ATRX: variants seen among roughly 807,000 people sequenced by gnomAD.
The protein encoded by ATRX is ATRX chromatin remodeler.
A neutral mutation model predicts 172.6 loss-of-function variants in ATRX; 12 were observed. The observed-to-expected ratio is 0.07, with a 90% confidence interval of 0.04 to 0.11. The LOEUF is 0.11. ATRX is among the 10% of genes least tolerant of loss of function. The pLI is 1.00. For missense variants in ATRX, 1,368 were observed against 1,767.4 expected (o/e 0.77, Z 4.05); for synonymous variants, 674 against 594.7 (o/e 1.13, Z -1.94).
At chrX:77,671,308 G>A (rs2070602673) in intron 10 of ATRX, among the ~76,000 whole-genome samples, 1 of 102,352 alleles carries the variant, frequency 9.8e-6, no homozygotes, top group Non-Finnish European at 2.0e-5. Context: ...TTTTTTAGTC[G>A]CAAATCCTAC....
At chrX:77,601,231 C>T (rs782734203) in intron 22 of ATRX, among the ~76,000 whole-genome samples, 1 of 110,192 alleles carries the variant, frequency 9.1e-6, no homozygotes, top group African/African-American at 3.3e-5. Context: ...TTTGGGAGGC[C>T]GAGGCAGGAG....
At chrX:77,717,280 C>T in intron 1 of ATRX, 37 bp from the exon 2 acceptor site, 2 of 1,052,307 alleles carry the variant, frequency 1.9e-6, no homozygotes, top group Non-Finnish European at 2.7e-6. Context: ...CCTTAATTAG[C>T]CTTTCATGTT....
chrX:77,585,583 CAAAAAA>C (rs781792876), intron 27 of ATRX, among the ~76,000 whole-genome samples: 23 of 8,529 alleles, frequency 2.7e-3, no homozygotes, highest in Non-Finnish European at 2.6e-3. Context: ...CTCCCCCCAC[CAAAAAA>C]AAAAAAAAAA....
chrX:77,695,174 G>A (rs1359905137), intron 5 of ATRX, among the ~76,000 whole-genome samples: 1 of 109,911 alleles, frequency 9.1e-6, no homozygotes, highest in Non-Finnish European at 1.9e-5. Context: ...GACCTGGGTT[G>A]AAATCTTAGC....
chrX:77,744,902 A>G (rs2075004100), intron 1 of ATRX, among the ~76,000 whole-genome samples: 1 of 109,949 alleles, frequency 9.1e-6, no homozygotes. Context: ...AGGCTAAGGC[A>G]GGAGAATGGC....
chrX:77,562,958 G>T (rs2065069738), intron 28 of ATRX, among the ~76,000 whole-genome samples: 1 of 112,238 alleles, frequency 8.9e-6, no homozygotes, highest in Non-Finnish European at 1.9e-5. Context: ...TTACTAACTG[G>T]GTTGTTTTCT....
At chrX:77,734,459 C>A (rs186048546) in intron 1 of ATRX, among the ~76,000 whole-genome samples, 1 of 110,576 alleles carries the variant, frequency 9.0e-6, no homozygotes, top group Non-Finnish European at 1.9e-5. Context: ...TAAACGGTGC[C>A]GGGAAAACTG....
intron 1 of ATRX, among the ~76,000 whole-genome samples, chrX:77,745,244 C>T (rs2075023097): frequency 9.2e-6 from 1 of 108,222 alleles, no homozygotes; most frequent in African/African-American, 3.4e-5. Context: ...AAATATGTAC[C>T]CCAAAGAAAG....
Position 77,682,395 on chromosome X carries a change from C to A in ATRX, c.2861G>T (p.Cys954Phe), listed in dbSNP as rs1055207389. ...AGATAAGCCATCCTGTACTTTTTTACATGTTTTGGTTTTGAGATGCTTGCT... is the reference window on the plus strand; with the variant it reads ...AGATAAGCCATCCTGTACTTTTTTAAATGTTTTGGTTTTGAGATGCTTGCT... ...EKSKHLKTKT[C>F]KKVQDGLSDI... Residue 954 changes from cysteine (C) to phenylalanine (F), a missense_variant, in exon 9 of 35, where the codon TGT becomes TTT. Transcript: ENST00000373344. The A allele has an allele frequency of 2.5e-6, 3 of 1,209,416 alleles. No individual in the cohort carries two copies. The African/African-American group carries it at 5.3e-5, about 21-fold the overall frequency.
At position 77,775,767 on chromosome X, in the gene ATRX, T is replaced by C. The variant is rs554176991; in HGVS notation, c.20+10215A>G. Among the ~76,000 whole-genome samples the C allele has an allele frequency of 1.4e-4, 15 of 110,833 alleles. No individual in the cohort carries two copies. The South Asian group carries it at 5.3e-3, about 39-fold the overall frequency. ...TATTTATTTTTGAAACGGAATCTCA[T>C]TCTGTCGCCCAGGCCGGAGTGCGGT... is the stretch of plus-strand genomic sequence containing the variant. On this transcript the variant is annotated intron_variant, in intron 1 of 34. Coordinates refer to ENST00000373344, the MANE Select transcript of ATRX (RefSeq NM_000489.6).
chrX:77,549,420 T>A (rs782758075), intron 30 of ATRX, among the ~76,000 whole-genome samples: 7 of 111,673 alleles, frequency 6.3e-5, no homozygotes, highest in Non-Finnish European at 1.1e-4. Flanking sequence ...AAAATTTTCA[T>A]CTCTGATATC....
At chrX:77,651,781 C>T (rs1313907968) in intron 15 of ATRX, among the ~76,000 whole-genome samples, 1 of 111,615 alleles carries the variant, frequency 9.0e-6, no homozygotes, top group South Asian at 3.7e-4. Flanking sequence ...ATCACATGAA[C>T]CCAGGAGGCA....
chrX:77,618,870 A>G lies in ATRX; in HGVS notation c.5384T>C (p.Val1795Ala). ...QNGQCADSTM[V>A]DVRVMKKRAH... is the part of the protein sequence containing the mutation. ...ACGTTTTTTCATCACTCTGACATCT[A>G]CCATGGTAGAATCTGCACACTGACC... is the stretch of plus-strand genomic sequence containing the variant. Residue 1795 changes from valine to alanine, a missense_variant, in exon 21 of 35, where the codon GTA (valine) becomes GCA (alanine). By Grantham distance (64) the Val-to-Ala change is moderately conservative. Transcript: ENST00000373344. The G allele has an allele frequency of 1.7e-6, 2 of 1,208,892 alleles. No individual in the cohort carries two copies. The highest frequency in any genetic ancestry group is 2.2e-6 in the Non-Finnish European group (2 of 892,918).
intron 1 of ATRX, among the ~76,000 whole-genome samples, chrX:77,727,393 C>T (rs1472270165): frequency 2.7e-5 from 3 of 111,461 alleles, no homozygotes; most frequent in Non-Finnish European, 5.6e-5. Flanking sequence ...ATGTTTACTG[C>T]AGCACTATTC....
At chrX:77,732,204 C>T (rs1156918480) in intron 1 of ATRX, among the ~76,000 whole-genome samples, 1 of 111,448 alleles carries the variant, frequency 9.0e-6, no homozygotes, top group South Asian at 3.7e-4. Flanking sequence ...CTGGTCTGGC[C>T]GTGGTCCCTG....
chrX:77,678,399 ATGCCAACT>A (rs1388365128), intron 9 of ATRX, among the ~76,000 whole-genome samples: 3 of 112,373 alleles, frequency 2.7e-5, no homozygotes, highest in African/African-American at 9.7e-5. Flanking sequence ...TGAAGTTCAA[ATGCCAACT>A]ATTCTTCTAA....
intron 28 of ATRX, among the ~76,000 whole-genome samples, chrX:77,563,005 T>A (rs1271982139): frequency 4.4e-5 from 5 of 112,881 alleles, no homozygotes; most frequent in African/African-American, 1.6e-4. Context: ...GAGTCCTTTG[T>A]TAAATATGCA....
At chrX:77,647,525 C>A (rs782380546) in intron 15 of ATRX, among the ~76,000 whole-genome samples, 55 of 111,795 alleles carry the variant, frequency 4.9e-4, no homozygotes, top group Admixed American at 9.5e-4. Flanking sequence ...TAGGTACATT[C>A]GTGTTCATGT....
chrX:77,771,818 T>C (rs1557199232), intron 1 of ATRX, among the ~76,000 whole-genome samples: 1 of 111,508 alleles, frequency 9.0e-6, no homozygotes, highest in East Asian at 2.8e-4. Flanking sequence ...TGGCAATTTC[T>C]GGAAATATTT....
Sources: gnomAD v4.1 joint callset for allele counts (sites outside exome capture counted in the v4.1 genomes callset) on GRCh38, gnomAD v4.1.1 for gene constraint, MANE v1.5 for transcripts, NCBI Gene and HGNC (gene_info 2026-07-23, HGNC 2026-07-21) for gene names.